FLT1: variants seen among roughly 807,000 people sequenced by gnomAD.
FLT1 encodes fms related receptor tyrosine kinase 1.
FLT1 carries 49 observed loss-of-function variants against 156.3 expected under a neutral mutation model. That is an observed-to-expected ratio of 0.31 (90% confidence interval 0.25 to 0.40). The LOEUF is 0.40. Ranked by LOEUF, FLT1 falls within the 10% of genes least tolerant of loss-of-function variation. The pLI is 1.00. For missense variants in FLT1, 1,322 were observed against 1,637.2 expected (o/e 0.81, Z 3.32); for synonymous variants, 594 against 583.8 (o/e 1.02, Z -0.25).
chr13:28,333,964 A>C, intron 18 of FLT1, 61 bp downstream of exon 18: 1 of 1,047,562 alleles, frequency 9.5e-7, no homozygotes, highest in Middle Eastern at 2.0e-4. Context: ...AACTTGTACC[A>C]ACATTTAGGA....
chr13:28,335,033 C>T (rs1872064301), intron 17 of FLT1, among the ~76,000 whole-genome samples: 1 of 152,090 alleles, frequency 6.6e-6, no homozygotes, highest in African/African-American at 2.4e-5. Context: ...TCATAGGTAA[C>T]TAGAGGGGCC....
At position 28,441,885 on chromosome 13, in the gene FLT1, T is replaced by G. The variant is rs1350741096; in HGVS notation, c.389-3540A>C. On this transcript the variant is annotated intron_variant, in intron 3 of 29. Coordinates refer to ENST00000282397, the MANE Select transcript of FLT1 (RefSeq NM_002019.4). ...CAGTCTTTCTAGAATGATCATGCAT[T>G]ATTTTATAGTAATATTTTTAATTAT... Among the ~76,000 whole-genome samples, 3 of 152,224 alleles carry G rather than the reference T, an allele frequency of 2.0e-5. 1 individual carries two copies. The highest frequency in any genetic ancestry group is 1.5e-5 in the Non-Finnish European group (1 of 68,040).
intron 1 of FLT1, among the ~76,000 whole-genome samples, chr13:28,481,932 A>T (rs184150367): frequency 6.6e-6 from 1 of 152,382 alleles, no homozygotes; most frequent in East Asian, 1.9e-4. Context: ...CAATGAATAC[A>T]ACCATATCTA....
At chr13:28,337,682 T>C (rs1484954982) in intron 17 of FLT1, among the ~76,000 whole-genome samples, 1 of 152,108 alleles carries the variant, frequency 6.6e-6, no homozygotes, top group Non-Finnish European at 1.5e-5. Flanking sequence ...ACAAGGAGAC[T>C]CTCCTGAAAT....
intron 12 of FLT1, among the ~76,000 whole-genome samples, chr13:28,395,062 T>C (rs1874961614): frequency 1.3e-5 from 2 of 152,076 alleles, no homozygotes; most frequent in Admixed American, 1.3e-4. Flanking sequence ...GGTGATTTAG[T>C]TTTTCTGCAC....
chr13:28,467,052 G>T lies in FLT1; in HGVS notation c.239C>A (p.Ala80Asp), dbSNP rs1468516861. Residue 80 changes from alanine to aspartate, a missense_variant, in exon 3 of 30, where the codon GCC becomes GAC. Around this residue, in one of 3 missense-constraint regions of FLT1, gnomAD observed 991 missense variants for 1,254.8 expected, o/e 0.79. Transcript: ENST00000282397. Reference sequence around the variant, plus strand: ...GAATTGTTTGCCATTTCTTCCACAGGCAGATTTAGTTATGCTCAGCCTTTC... The same window carrying T: ...GAATTGTTTGCCATTTCTTCCACAGTCAGATTTAGTTATGCTCAGCCTTTC... ...ESERLSITKS[A>D]CGRNGKQFCS... 1 of 1,614,056 alleles carries T rather than the reference G, an allele frequency of 6.2e-7. No individual in the cohort carries two copies. The highest frequency in any genetic ancestry group is 1.3e-5 in the African/African-American group (1 of 75,008).
At chr13:28,494,407 G>T (rs1881638125) in intron 1 of FLT1, among the ~76,000 whole-genome samples, 1 of 152,212 alleles carries the variant, frequency 6.6e-6, no homozygotes, top group Admixed American at 6.5e-5. Flanking sequence ...TCTGGGAATG[G>T]GCTCTGGGTG....
At chr13:28,376,217 TA>T (rs1873833714) in intron 14 of FLT1, among the ~76,000 whole-genome samples, 1 of 152,238 alleles carries the variant, frequency 6.6e-6, no homozygotes, top group Non-Finnish European at 1.5e-5. Flanking sequence ...AGATGTCCTC[TA>T]ACAGTTAGAT....
At chr13:28,373,842 C>CGT (rs1298271286) in intron 14 of FLT1, among the ~76,000 whole-genome samples, 1 of 152,162 alleles carries the variant, frequency 6.6e-6, no homozygotes, top group Non-Finnish European at 1.5e-5. Context: ...ACCACCCCCA[C>CGT]TAACCCCTCG....
At chr13:28,407,427 A>ACCC (rs1342560106) in intron 10 of FLT1, among the ~76,000 whole-genome samples, 1 of 152,096 alleles carries the variant, frequency 6.6e-6, no homozygotes, top group East Asian at 1.9e-4. Flanking sequence ...TAGCCTGGCC[A>ACCC]AATGAAGGAT....
In FLT1 at chr13:28,438,257, C is replaced by A. The variant is rs889820596; in HGVS notation, c.477G>T (p.Arg159=). 38 of 1,613,700 alleles carry A rather than the reference C, an allele frequency of 2.4e-5. No individual in the cohort carries two copies. The highest frequency in any genetic ancestry group is 2.6e-5 in the Non-Finnish European group (31 of 1,179,766). The part of the protein sequence containing the change: ...TEGRELVIPC[R]VTSPNITVTL... ...TAACAGTGATGTTAGGTGACGTAAC[C>A]CGGCAGGGAATGACGAGCTCCCTTC... Residue 159 remains arginine (R), a synonymous_variant, in exon 4 of 30, where the codon CGG becomes CGT. Transcript: ENST00000282397.
intron 3 of FLT1, among the ~76,000 whole-genome samples, chr13:28,457,256 G>T (rs890327331): frequency 1.3e-5 from 2 of 152,094 alleles, no homozygotes. Flanking sequence ...TTGTTGTAAG[G>T]ATAAAATCTG....
chr13:28,319,397 T>C, intron 24 of FLT1, 26 bp downstream of exon 24: 30 of 1,440,192 alleles, frequency 2.1e-5, no homozygotes, highest in Non-Finnish European at 2.6e-5. Flanking sequence ...CTGGGCTGTT[T>C]GATTTCTTCC....
chr13:28,306,766 G>A lies in FLT1; in HGVS notation c.3727C>T (p.Gln1243Ter). Reference protein sequence around the residue: ...PNATSMFDDYQGDSSTLLASP... With the variant: ...PNATSMFDDY ...GCCAACAGAGTGCTGCTGTCGCCCT[G>A]GTAGTCCTAGGGGGAGAAGGAGAAA... Residue 1243 changes from glutamine to a stop codon, truncating the protein, a stop_gained, in exon 29 of 30, where the codon CAG (glutamine) becomes TAG (stop). Transcript: ENST00000282397. LOFTEE classifies it high-confidence loss of function. 6.2e-7 allele frequency: 1 copy of A among 1,609,712 alleles called. No individual in the cohort carries two copies. Among genetic ancestry groups the A allele is most frequent in the Non-Finnish European group, 8.5e-7 (1 of 1,176,120 alleles).
intron 15 of FLT1, among the ~76,000 whole-genome samples, chr13:28,357,056 A>G (rs1565983994): frequency 6.6e-6 from 1 of 152,220 alleles, no homozygotes; most frequent in Non-Finnish European, 1.5e-5. Flanking sequence ...TTCTGATAAT[A>G]TATTACAGCC....
chr13:28,386,144 A>G, intron 13 of FLT1: 1 of 1,053,498 alleles, frequency 9.5e-7, no homozygotes, highest in Non-Finnish European at 1.1e-6. Context: ...TAAAACTGTG[A>G]AGGCAGCTTA....
intron 3 of FLT1, among the ~76,000 whole-genome samples, chr13:28,451,643 T>G (rs1878946092): frequency 4.9e-5 from 7 of 143,364 alleles, no homozygotes; most frequent in Non-Finnish European, 7.7e-5. Context: ...CGGGTCGGGG[T>G]GGAGGAGGGC....
intron 10 of FLT1, among the ~76,000 whole-genome samples, chr13:28,423,317 T>G (rs1345803322): frequency 6.6e-6 from 1 of 152,172 alleles, no homozygotes; most frequent in Non-Finnish European, 1.5e-5. Context: ...ACTCTTCCTT[T>G]TACTTTTGTC....
chr13:28,482,100 C>T (rs527304433), intron 1 of FLT1, among the ~76,000 whole-genome samples: 12 of 152,208 alleles, frequency 7.9e-5, no homozygotes, highest in South Asian at 4.1e-4. Flanking sequence ...GCTATAAAAT[C>T]GGGATCAGGA....
Sources: allele counts gnomAD v4.1 joint callset (sites outside exome capture counted in the v4.1 genomes callset), GRCh38; gene constraint gnomAD v4.1.1; regional missense constraint gnomAD v4.1.1; transcripts MANE v1.5; gene names NCBI Gene and HGNC (gene_info 2026-07-23, HGNC 2026-07-21).